Variants in DNAJC3 observed in about 807,000 individuals in gnomAD.
DNAJC3 encodes dnaJ homolog subfamily C member 3.
Under a neutral mutation model 68.6 loss-of-function variants are expected in DNAJC3, and 38 were observed. The observed-to-expected ratio is 0.55, with a 90% CI of 0.43 to 0.73. The LOEUF (loss-of-function observed/expected upper bound fraction) is 0.73. DNAJC3 is among the 30% of genes least tolerant of loss of function. The pLI is 0.00. For missense variants in DNAJC3, 526 were observed against 591.9 expected, an observed-to-expected ratio of 0.89 and a Z score of 1.16; for synonymous variants, 203 against 204.0, an observed-to-expected ratio of 1.00 and a Z score of 0.04.
intron 1 of DNAJC3, among the ~76,000 whole-genome samples, chr13:95,703,050 A>G (rs1214251492): frequency 1.3e-5 from 2 of 152,218 alleles, no homozygotes; most frequent in African/African-American, 4.8e-5. Context: ...CATGGTGGTT[A>G]TGTTCTGTAA....
In DNAJC3 at chr13:95,696,017, A is replaced by G. The variant is rs188036066; in HGVS notation, c.83-13210A>G. Among the ~76,000 whole-genome samples the G allele has an allele frequency of 7.2e-4, 110 of 152,328 alleles. 1 individual carries two copies. The highest frequency in any genetic ancestry group is 1.9e-4 in the Non-Finnish European group (13 of 68,040). On this transcript the variant is annotated intron_variant, in intron 1 of 11. Coordinates refer to ENST00000602402, the MANE Select transcript of DNAJC3 (RefSeq NM_006260.5). ...GTGCTATAAATGCTTGATTGTACAT[A>G]GTACATACACACATAACCTTACACT...
chr13:95,694,672 C>T (rs1042423629), intron 1 of DNAJC3: 1 of 152,596 alleles, frequency 6.6e-6, no homozygotes, highest in Non-Finnish European at 1.5e-5. Context: ...AATTTTGGCT[C>T]ACTTCTTGGT....
chr13:95,782,536 G>A (rs1010843790), intron 9 of DNAJC3, among the ~76,000 whole-genome samples: 7 of 152,120 alleles, frequency 4.6e-5, no homozygotes, highest in African/African-American at 1.4e-4. Context: ...GTTTTGATTT[G>A]CATTTCTCTA....
At chr13:95,738,392 C>T (rs1327220799) in intron 4 of DNAJC3, among the ~76,000 whole-genome samples, 1 of 148,970 alleles carries the variant, frequency 6.7e-6, no homozygotes, top group East Asian at 2.0e-4. Context: ...GACTTTCTGT[C>T]TCGTTGATCT....
chr13:95,714,697 C>G (rs1421635270), intron 2 of DNAJC3, among the ~76,000 whole-genome samples: 1 of 152,208 alleles, frequency 6.6e-6, no homozygotes, highest in Non-Finnish European at 1.5e-5. Context: ...TTCAAACTGT[C>G]TTCAGTGCTT....
At chr13:95,679,198 A>ATTTTTT (rs1879848345) in intron 1 of DNAJC3, among the ~76,000 whole-genome samples, 1 of 60,646 alleles carries the variant, frequency 1.6e-5, no homozygotes, top group African/African-American at 7.9e-5. Context: ...AAAAATCAGC[A>ATTTTTT]CTTTTTTTTT....
At chr13:95,713,160 T>C (rs1460988797) in intron 2 of DNAJC3, among the ~76,000 whole-genome samples, 1 of 152,222 alleles carries the variant, frequency 6.6e-6, no homozygotes, top group Non-Finnish European at 1.5e-5. Context: ...GTCTCCGGTA[T>C]GTCTTTATTA....
At chr13:95,727,816 C>T (rs1359336757) in intron 4 of DNAJC3, among the ~76,000 whole-genome samples, 1 of 152,174 alleles carries the variant, frequency 6.6e-6, no homozygotes, top group African/African-American at 2.4e-5. Context: ...CATGTACCTA[C>T]CACCATAGTC....
rs777488646 is a variant in DNAJC3, at chr13:95,790,951, A to C, written c.1436A>C (p.His479Pro). 2 of 1,610,644 alleles carry C rather than the reference A, an allele frequency of 1.2e-6. No homozygotes were observed. The highest frequency in any genetic ancestry group is 1.7e-6 in the Non-Finnish European group (2 of 1,179,250). Reference protein sequence around the residue: ...SQQGGGGNPFHRSWNSWQGFN... With the variant: ...SQQGGGGNPFPRSWNSWQGFN... ...CAAGGAGGCGGCGGCAACCCTTTCC[A>C]CAGAAGCTGGAACTCATGGCAAGGG... The change falls in exon 12 of 12, where the codon CAC becomes CCC. Residue 479 changes from histidine (H) to proline (P), a missense_variant. Physicochemically the swap from His to Pro is moderately conservative, Grantham distance 77. Coordinates refer to ENST00000602402, the MANE Select transcript of DNAJC3 (RefSeq NM_006260.5).
At chr13:95,723,030 A>T (rs1881386500) in intron 2 of DNAJC3, among the ~76,000 whole-genome samples, 1 of 151,814 alleles carries the variant, frequency 6.6e-6, no homozygotes, top group African/African-American at 2.4e-5. Context: ...TGTAGGTCGG[A>T]TGTGGCTTGG....
rs866420550 is a variant in DNAJC3 at position 95,691,092 on chromosome 13, C to T, written c.82+13755C>T. On this transcript the variant is annotated intron_variant, in intron 1 of 11. Coordinates refer to ENST00000602402, the MANE Select transcript of DNAJC3 (RefSeq NM_006260.5). Reference sequence around the variant, plus strand: ...CTCCTCACTTCCCAGTAGGGGCGGCCGGGCAGAGGCGCCCCTCACTTCCCA... The same window carrying T: ...CTCCTCACTTCCCAGTAGGGGCGGCTGGGCAGAGGCGCCCCTCACTTCCCA... 7.6e-3 allele frequency among the ~76,000 whole-genome samples: 1,048 copies of T among 137,370 alleles called. 27 individuals carry two copies. Among genetic ancestry groups the T allele is most frequent in the African/African-American group, 0.029 (996 of 34,648 alleles). 90.1% of individuals were successfully genotyped at this position (137,370 alleles called of 152,430 possible). A position where few individuals can be genotyped will look rare whatever the true frequency, so the allele number is the denominator to read the frequency against.
intron 4 of DNAJC3, among the ~76,000 whole-genome samples, chr13:95,735,979 A>G (rs1326794350): frequency 6.6e-6 from 1 of 152,168 alleles, no homozygotes; most frequent in Non-Finnish European, 1.5e-5. Flanking sequence ...TCTTTAATCC[A>G]TCTTGAATTG....
intron 4 of DNAJC3, among the ~76,000 whole-genome samples, chr13:95,737,030 AG>A (rs1439354814): frequency 1.3e-5 from 2 of 151,896 alleles, no homozygotes; most frequent in Non-Finnish European, 2.9e-5. Flanking sequence ...TTTAGCCTGA[AG>A]GGTTGTTGAA....
chr13:95,690,540 C>T (rs1280505652), intron 1 of DNAJC3, among the ~76,000 whole-genome samples: 2 of 151,472 alleles, frequency 1.3e-5, no homozygotes, highest in East Asian at 4.0e-4. Context: ...CAGAGGGGCT[C>T]CTCACTTCCC....
chr13:95,731,561 G>A (rs1435465844), intron 4 of DNAJC3, among the ~76,000 whole-genome samples: 1 of 152,138 alleles, frequency 6.6e-6, no homozygotes, highest in African/African-American at 2.4e-5. Flanking sequence ...ATGATTGTAT[G>A]GTTTTTGCCC....
intron 1 of DNAJC3, among the ~76,000 whole-genome samples, chr13:95,682,876 G>A (rs905661214): frequency 3.3e-5 from 5 of 152,252 alleles, no homozygotes; most frequent in East Asian, 1.9e-4. Context: ...ATTATAATAC[G>A]TTTAAGTAAA....
intron 6 of DNAJC3, 123 bp from the exon 7 acceptor site, chr13:95,760,556 A>G (rs1007624025): frequency 2.4e-6 from 3 of 1,236,702 alleles, no homozygotes; most frequent in Admixed American, 5.2e-5. Context: ...GTAAATTATA[A>G]GTCTCAGTAT....
chr13:95,747,203 G>GCTC, intron 4 of DNAJC3, among the ~76,000 whole-genome samples: 1 of 152,294 alleles, frequency 6.6e-6, no homozygotes, highest in Middle Eastern at 3.4e-3. Context: ...TCTTTGCAAA[G>GCTC]AAGCTAGTCT....
chr13:95,734,283 C>G (rs1407567184), intron 4 of DNAJC3, among the ~76,000 whole-genome samples: 1 of 152,136 alleles, frequency 6.6e-6, no homozygotes, highest in Non-Finnish European at 1.5e-5. Context: ...TGAAGGATAA[C>G]TTTGCTGGGT....
Sources: gnomAD v4.1 joint callset for allele counts (sites outside exome capture counted in the v4.1 genomes callset) on GRCh38, gnomAD v4.1.1 for gene constraint, MANE v1.5 for transcripts, NCBI Gene and HGNC (gene_info 2026-07-23, HGNC 2026-07-21) for gene names.